Variants in EVC2 observed in about 807,000 individuals in gnomAD.
The protein encoded by EVC2 is EvC ciliary complex subunit 2.
Under a neutral mutation model 149.3 loss-of-function variants are expected in EVC2, and 148 were observed. The observed-to-expected ratio is 0.99, with a 90% CI of 0.87 to 1.14. EVC2 has a LOEUF of 1.14. Ranked by LOEUF, EVC2 falls within the 50% of genes most tolerant of loss-of-function variation. The pLI, the probability that EVC2 is intolerant of heterozygous loss-of-function variation, is 0.00. For synonymous variants in EVC2, 776 were observed against 649.9 expected (o/e 1.19, Z -2.95); for missense variants, 1,854 against 1,627.3 (o/e 1.14, Z -2.40).
chr4:5,631,891 G>C lies in EVC2; in HGVS notation c.1612C>G (p.His538Asp), dbSNP rs771963435. The C allele has an allele frequency of 1.5e-5, 25 of 1,614,092 alleles. No homozygotes were observed. Among genetic ancestry groups the C allele is most frequent in the African/African-American group, 2.7e-5 (2 of 74,940 alleles). The change falls in exon 11 of 22, where the codon CAC becomes GAC. Residue 538 changes from histidine (H) to aspartate (D), a missense_variant. By Grantham distance (81) the His-to-Asp change is moderately conservative (BLOSUM62 -1). Transcript: ENST00000344408. ...TTTATCTGGGTAAAAAAGATACTGT[G>C]CAGTTCATTTCTCTGGAAAACAGCC... is the stretch of plus-strand genomic sequence containing the variant. ...QLAVFQRNEL[H>D]SIFFTQIKSA...
intron 9 of EVC2, among the ~76,000 whole-genome samples, chr4:5,655,812 T>C (rs1265995979): frequency 6.6e-6 from 1 of 150,832 alleles, no homozygotes. Context: ...GGAGGACAGT[T>C]TCAAAATAGC....
chr4:5,561,514 G>T (rs2108763904), downstream of EVC2, among the ~76,000 whole-genome samples: 1 of 152,294 alleles, frequency 6.6e-6, no homozygotes. Context: ...ACGGTGCACA[G>T]CTGCTGTCCC....
At chr4:5,548,031 C>T (rs1468239845) in intron 21 of EVC2, among the ~76,000 whole-genome samples, 1 of 152,120 alleles carries the variant, frequency 6.6e-6, no homozygotes, top group African/African-American at 2.4e-5. Context: ...GTGCCCACGC[C>T]GGCACCTGGA....
rs1363266108 is a variant in EVC2, at chr4:5,656,341, CT to C, written c.1145+6765del. ...ACTCACTGACCCCCTCCTTTCACTT[CT>C]TCTCGAGGTCCCTCAAGTCTCCACT... On this transcript the variant is annotated intron_variant, in intron 9 of 21. Transcript: ENST00000344408. Among the ~76,000 whole-genome samples, 6 of 152,342 alleles carry C rather than the reference CT, an allele frequency of 3.9e-5. No individual in the cohort carries two copies. The South Asian group carries it at 1.0e-3, about 26-fold the overall frequency.
intron 21 of EVC2, among the ~76,000 whole-genome samples, chr4:5,547,504 C>G (rs922697562): frequency 1.3e-5 from 2 of 152,188 alleles, no homozygotes; most frequent in African/African-American, 4.8e-5. Flanking sequence ...CTTGTGGTGC[C>G]TTTTCCAGGC....
chr4:5,565,134 G>T, intron 21 of EVC2, 124 bp downstream of exon 21: 1 of 879,266 alleles, frequency 1.1e-6, no homozygotes, highest in Non-Finnish European at 1.9e-6. Flanking sequence ...TGGTCTTCAG[G>T]GTCACAAATC....
intron 16 of EVC2, among the ~76,000 whole-genome samples, chr4:5,598,749 C>T: frequency 6.6e-6 from 1 of 152,164 alleles, no homozygotes; most frequent in South Asian, 2.1e-4. Flanking sequence ...AGCTTCTGCA[C>T]AACAAAAGAA....
intron 16 of EVC2, among the ~76,000 whole-genome samples, chr4:5,594,287 C>G (rs1713157822): frequency 6.6e-6 from 1 of 152,198 alleles, no homozygotes; most frequent in Non-Finnish European, 1.5e-5. Context: ...GTGCCTGACC[C>G]CTGACCCCCG....
intron 10 of EVC2, among the ~76,000 whole-genome samples, chr4:5,639,714 G>A (rs951007641): frequency 2.0e-5 from 3 of 152,214 alleles, no homozygotes; most frequent in East Asian, 1.9e-4. Flanking sequence ...TCCAGAGGGG[G>A]ACACGTGGAC....
chr4:5,639,770 T>C (rs1010189005), intron 10 of EVC2, among the ~76,000 whole-genome samples: 1 of 152,236 alleles, frequency 6.6e-6, no homozygotes, highest in Admixed American at 6.5e-5. Flanking sequence ...ACAGACGTGC[T>C]CTGCTATGAA....
At chr4:5,692,434 T>G (rs1434194343) in intron 3 of EVC2, among the ~76,000 whole-genome samples, 6 of 152,128 alleles carry the variant, frequency 3.9e-5, no homozygotes, top group African/African-American at 1.4e-4. Context: ...AAACTAAGAC[T>G]CAGAAAGGTT....
chr4:5,647,962 G>C, intron 9 of EVC2, among the ~76,000 whole-genome samples: 1 of 152,162 alleles, frequency 6.6e-6, no homozygotes, highest in African/African-American at 2.4e-5. Context: ...AGTGAATGTA[G>C]GCAGCAGCCT....
intron 9 of EVC2, among the ~76,000 whole-genome samples, chr4:5,653,853 G>C (rs1471186501): frequency 6.6e-6 from 1 of 152,132 alleles, no homozygotes; most frequent in Non-Finnish European, 1.5e-5. Flanking sequence ...TGTTACAAAC[G>C]AGGCCCACCC....
At chr4:5,680,096 A>T (rs1182213031) in intron 7 of EVC2, among the ~76,000 whole-genome samples, 3 of 152,192 alleles carry the variant, frequency 2.0e-5, no homozygotes, top group Admixed American at 2.0e-4. Context: ...AGGCAATAAC[A>T]GGCATGGACC....
In EVC2 at chr4:5,569,523, G is replaced by T. The variant is rs1013499583; in HGVS notation, c.3361-883C>A. 6.6e-6 allele frequency among the ~76,000 whole-genome samples: 1 copy of T among 152,124 alleles called. No individual in the cohort carries two copies. The highest frequency in any genetic ancestry group is 2.4e-5 in the African/African-American group (1 of 41,434). Reference sequence around the variant, plus strand: ...ATTAAAAATTTTGGCCAGGCATGGGGGCTCACATCTGTAATCCCAGCACTT... The same window carrying T: ...ATTAAAAATTTTGGCCAGGCATGGGTGCTCACATCTGTAATCCCAGCACTT... On this transcript the variant is annotated intron_variant, in intron 19 of 21. Coordinates refer to ENST00000344408, the MANE Select transcript of EVC2 (RefSeq NM_147127.5). The surrounding 1 kb of genome is among the most constrained non-coding windows in gnomAD (Gnocchi z 4.8).
downstream of EVC2, among the ~76,000 whole-genome samples, chr4:5,558,411 G>A (rs576292040): frequency 1.3e-5 from 2 of 152,272 alleles, no homozygotes; most frequent in South Asian, 2.1e-4. Flanking sequence ...GTTGTTTAGG[G>A]TAGTAAAACT....
At chr4:5,554,745 A>G (rs1336246738) in intron 21 of EVC2, among the ~76,000 whole-genome samples, 1 of 152,206 alleles carries the variant, frequency 6.6e-6, no homozygotes, top group African/African-American at 2.4e-5. Flanking sequence ...CATAGCCAGA[A>G]GCCCTTCCAG....
chr4:5,674,039 A>C (rs945757400), intron 7 of EVC2, among the ~76,000 whole-genome samples: 10 of 144,714 alleles, frequency 6.9e-5, no homozygotes, highest in Admixed American at 2.1e-4. Context: ...AGATGAGACG[A>C]ATGTTTCCTC....
intron 19 of EVC2, among the ~76,000 whole-genome samples, chr4:5,574,324 T>C (rs1050657040): frequency 2.6e-5 from 4 of 152,190 alleles, no homozygotes; most frequent in Admixed American, 2.6e-4. Flanking sequence ...GGGTGCAGTA[T>C]CACTGATTGA....
Sources: allele counts gnomAD v4.1 joint callset (sites outside exome capture counted in the v4.1 genomes callset), GRCh38; gene constraint gnomAD v4.1.1; non-coding constraint Gnocchi (gnomAD v3.1); transcripts MANE v1.5; gene names NCBI Gene and HGNC (gene_info 2026-07-23, HGNC 2026-07-21).